ABCA12: variants seen among roughly 807,000 people sequenced by gnomAD.
ABCA12 encodes ATP binding cassette subfamily A member 12.
Under a neutral mutation model 293.5 loss-of-function variants are expected in ABCA12, and 156 were observed. The observed-to-expected ratio is 0.53, with a 90% CI of 0.47 to 0.61. The LOEUF (loss-of-function observed/expected upper bound fraction) is 0.61, where lower values mean the gene tolerates loss of function less well. Among genes scored for constraint, ABCA12 ranks in the 20% least tolerant of loss-of-function variants. ABCA12 has a pLI of 0.00. For synonymous variants in ABCA12, 1,063 were observed against 1,108.0 expected (o/e 0.96, Z 0.81); for missense variants, 2,797 against 3,090.2 (o/e 0.91, Z 2.25).
chr2:215,111,132 A>C (rs1309127725), intron 2 of ABCA12, among the ~76,000 whole-genome samples: 1 of 152,244 alleles, frequency 6.6e-6, no homozygotes, highest in Admixed American at 6.5e-5. Flanking sequence ...CTTCTCTTGA[A>C]CTAAATGTGT....
chr2:215,016,411 G>C (rs1400414787), intron 14 of ABCA12, among the ~76,000 whole-genome samples: 1 of 149,808 alleles, frequency 6.7e-6, no homozygotes, highest in Non-Finnish European at 1.5e-5. Context: ...GTGAAACCCC[G>C]TCTCTACTAA....
intron 2 of ABCA12, among the ~76,000 whole-genome samples, chr2:215,073,750 T>C (rs1332817784): frequency 2.0e-5 from 3 of 152,212 alleles, no homozygotes; most frequent in Non-Finnish European, 2.9e-5. Flanking sequence ...GCTGATCACC[T>C]AGGCATCTAG....
intron 7 of ABCA12, among the ~76,000 whole-genome samples, chr2:215,039,973 A>G (rs982219145): frequency 6.6e-6 from 1 of 152,158 alleles, no homozygotes; most frequent in Admixed American, 6.5e-5. Context: ...AAAAGTCTTC[A>G]CCTGTATTTA....
At chr2:215,076,960 T>C (rs1701847349) in intron 2 of ABCA12, among the ~76,000 whole-genome samples, 1 of 152,014 alleles carries the variant, frequency 6.6e-6, no homozygotes, top group Non-Finnish European at 1.5e-5. Flanking sequence ...TATATAAACA[T>C]GTAGTAAAAA....
At chr2:215,112,818 T>C (rs1702605658) in intron 1 of ABCA12, among the ~76,000 whole-genome samples, 1 of 152,096 alleles carries the variant, frequency 6.6e-6, no homozygotes, top group Non-Finnish European at 1.5e-5. Flanking sequence ...ATTAGAGAAT[T>C]TCACTTTAAG....
intron 37 of ABCA12, 85 bp from the exon 38 acceptor site, chr2:214,968,892 C>CT (rs545962721): frequency 9.0e-4 from 1,043 of 1,164,080 alleles, no homozygotes; most frequent in Non-Finnish European, 1.1e-3. Context: ...AGGAGCTCAA[C>CT]TTTTTGTTTC....
chr2:214,932,693 T>C lies in ABCA12; in HGVS notation c.7729A>G (p.Thr2577Ala). ...CTTATAGTGGAACCTTGGCTGCTGG[T>C]ATCAGCAGTTTCATAGGACTTCTGG... ...KDQKSYETADTSSQGSTISVD... is the reference protein window; with the variant it reads ...KDQKSYETADASSQGSTISVD... The change falls in exon 53 of 53, where the codon ACC becomes GCC. Residue 2577 changes from threonine to alanine, a missense_variant. Around this residue, in one of 3 missense-constraint regions of ABCA12, gnomAD observed 2,130 missense variants for 2,427.0 expected, o/e 0.88. Coordinates refer to ENST00000272895, the MANE Select transcript of ABCA12 (RefSeq NM_173076.3). 1 of 1,613,682 alleles carries C rather than the reference T, an allele frequency of 6.2e-7. No homozygotes were observed. Among genetic ancestry groups the C allele is most frequent in the Non-Finnish European group, 8.5e-7 (1 of 1,179,762 alleles).
At chr2:215,107,504 T>G (rs1180376224) in intron 2 of ABCA12, among the ~76,000 whole-genome samples, 4 of 152,226 alleles carry the variant, frequency 2.6e-5, no homozygotes, top group African/African-American at 9.6e-5. Flanking sequence ...CTGGGATTTA[T>G]TCTTTGCAGA....
chr2:215,061,434 A>G (rs977786521), intron 3 of ABCA12, among the ~76,000 whole-genome samples: 2 of 151,984 alleles, frequency 1.3e-5, no homozygotes, highest in African/African-American at 2.4e-5. Flanking sequence ...CAAAGGTGGC[A>G]TTTTTCCCCT....
chr2:215,103,302 T>G (rs1217607547), intron 2 of ABCA12, among the ~76,000 whole-genome samples: 1 of 133,100 alleles, frequency 7.5e-6, no homozygotes, highest in Non-Finnish European at 1.6e-5. Context: ...AGAGTTTCAC[T>G]CTTGTTGCCC....
At chr2:215,049,987 C>T (rs971394142) in intron 5 of ABCA12, among the ~76,000 whole-genome samples, 176 bp from the exon 6 acceptor site, 1 of 151,950 alleles carries the variant, frequency 6.6e-6, no homozygotes, top group Non-Finnish European at 1.5e-5. Flanking sequence ...ACTTGTAGAG[C>T]GAATGCATGA....
At chr2:215,074,343 GT>G (rs1701794158) in intron 2 of ABCA12, among the ~76,000 whole-genome samples, 1 of 152,214 alleles carries the variant, frequency 6.6e-6, no homozygotes, top group Non-Finnish European at 1.5e-5. Flanking sequence ...AAGCACCTTA[GT>G]GTTTGTGCAT....
chr2:215,134,623 AGAG>A (rs1703168158), intron 1 of ABCA12, among the ~76,000 whole-genome samples: 1 of 109,308 alleles, frequency 9.1e-6, no homozygotes, highest in East Asian at 2.2e-4. Flanking sequence ...ATATAGAGAG[AGAG>A]AGAGAGAGAG....
chr2:215,052,046 T>C (rs1701330675), intron 5 of ABCA12, among the ~76,000 whole-genome samples: 1 of 152,060 alleles, frequency 6.6e-6, no homozygotes, highest in Non-Finnish European at 1.5e-5. Context: ...ATAAGTAAGC[T>C]CTCTAAAATA....
In ABCA12 at chr2:214,955,341, A is replaced by G. The variant is rs769546875; in HGVS notation, c.6254T>C (p.Met2085Thr). ...ATGGAAGAGCCCAGCCAGCAAGTAC[A>G]TCCAGGAAAATGTTGCATACCTGCA... ...LLFGYATFSWMYLLAGLFHET... is the reference protein window; with the variant it reads ...LLFGYATFSWTYLLAGLFHET... The change falls in exon 43 of 53, where the codon ATG (methionine) becomes ACG (threonine). Residue 2085 changes from methionine to threonine, a missense_variant. Transcript: ENST00000272895. 21 of 1,614,028 alleles carry G rather than the reference A, an allele frequency of 1.3e-5. No individual in the cohort carries two copies. Among genetic ancestry groups the G allele is most frequent in the Non-Finnish European group, 1.8e-5 (21 of 1,180,008 alleles).
At chr2:215,068,535 C>G (rs1701677387) in intron 2 of ABCA12, among the ~76,000 whole-genome samples, 3 of 151,524 alleles carry the variant, frequency 2.0e-5, no homozygotes, top group Admixed American at 6.6e-5. Context: ...ACAGGCATCT[C>G]CCTCCTTCCC....
intron 30 of ABCA12, among the ~76,000 whole-genome samples, chr2:214,980,953 C>T (rs1460077299): frequency 3.3e-5 from 5 of 151,898 alleles, no homozygotes; most frequent in African/African-American, 7.2e-5. Context: ...GGTGTGGTGG[C>T]GGATGCCTAT....
intron 2 of ABCA12, among the ~76,000 whole-genome samples, chr2:215,103,239 C>T (rs1322351831): frequency 6.8e-6 from 1 of 146,436 alleles, no homozygotes; most frequent in African/African-American, 2.5e-5. Context: ...AAATGTGAAA[C>T]TTTAACAATG....
chr2:215,079,842 G>A (rs1701903299), intron 2 of ABCA12, among the ~76,000 whole-genome samples: 1 of 152,162 alleles, frequency 6.6e-6, no homozygotes, highest in Admixed American at 6.5e-5. Context: ...AAGATAGGCT[G>A]ATGAAATCAG....
Sources: allele counts gnomAD v4.1 joint callset (sites outside exome capture counted in the v4.1 genomes callset), GRCh38; gene constraint gnomAD v4.1.1; regional missense constraint gnomAD v4.1.1; transcripts MANE v1.5; gene names NCBI Gene and HGNC (gene_info 2026-07-23, HGNC 2026-07-21).